Variants in EYA4 observed in about 807,000 individuals in gnomAD.
EYA4 encodes the protein protein phosphatase EYA4.
A neutral mutation model predicts 87.9 loss-of-function variants in EYA4; 31 were observed. That is an observed-to-expected ratio of 0.35 (90% CI 0.27 to 0.48). The LOEUF is 0.48. Ranked by LOEUF, EYA4 falls within the 20% of genes least tolerant of loss-of-function variation. EYA4 has a pLI of 0.99. For missense variants in EYA4, 678 were observed against 761.4 expected, an observed-to-expected ratio of 0.89 and a Z score of 1.29; for synonymous variants, 263 against 270.6, an observed-to-expected ratio of 0.97 and a Z score of 0.28.
chr6:133,382,311 T>C lies in EYA4; in HGVS notation c.34-81T>C, dbSNP rs186214146. ...TTATAGAGAACTTGGTGAACAGAGC[T>C]ATATCCGCTTTAATAGTGTGTGAAC... On this transcript the variant is annotated intron_variant, in intron 2 of 19. Coordinates refer to ENST00000355286, the MANE Select transcript of EYA4 (RefSeq NM_004100.5). The C allele has an allele frequency of 3.0e-3, 2,850 of 953,988 alleles. 14 individuals are homozygous for C. The highest frequency in any genetic ancestry group is 4.1e-3 in the Non-Finnish European group (2,393 of 577,426). The allele number at this position is 953,988 out of a possible 1,614,324, so 59.1% of individuals were successfully genotyped here.
At chr6:133,393,570 G>A (rs530994377) in intron 3 of EYA4, among the ~76,000 whole-genome samples, 1 of 152,298 alleles carries the variant, frequency 6.6e-6, no homozygotes, top group Admixed American at 6.5e-5. Context: ...TGCGTGGCAT[G>A]TTCAGGTGAC....
intron 3 of EYA4, among the ~76,000 whole-genome samples, chr6:133,415,145 T>C (rs1789599054): frequency 6.6e-6 from 1 of 152,196 alleles, no homozygotes; most frequent in African/African-American, 2.4e-5. Flanking sequence ...ACCTGCCTCC[T>C]TTCTCACTTA....
chr6:133,365,185 G>T (rs1292626471), intron 2 of EYA4, among the ~76,000 whole-genome samples: 1 of 152,124 alleles, frequency 6.6e-6, no homozygotes, highest in Non-Finnish European at 1.5e-5. Context: ...TGATCGCTTG[G>T]TTGGGTAAAC....
intron 3 of EYA4, among the ~76,000 whole-genome samples, chr6:133,445,801 C>T (rs901602323): frequency 1.3e-5 from 2 of 152,032 alleles, no homozygotes; most frequent in African/African-American, 2.4e-5. Flanking sequence ...AGGATGGTCT[C>T]GATCTCCTGA....
chr6:133,361,107 G>A (rs775942059), intron 2 of EYA4, among the ~76,000 whole-genome samples: 1 of 152,108 alleles, frequency 6.6e-6, no homozygotes, highest in Non-Finnish European at 1.5e-5. Context: ...TATCACAATG[G>A]GTGGATCTGA....
chr6:133,323,535 G>A (rs1160117019), intron 2 of EYA4, among the ~76,000 whole-genome samples: 1 of 152,064 alleles, frequency 6.6e-6, no homozygotes, highest in South Asian at 2.1e-4. Context: ...CTATATTGCT[G>A]TTTCATTTTC....
At position 133,512,895 on chromosome 6, in the gene EYA4, C is replaced by A. The variant is rs1321644184; in HGVS notation, c.1358C>A (p.Thr453Asn). The change falls in exon 16 of 20, where the codon ACT becomes AAT. Residue 453 changes from threonine to asparagine, a missense_variant. Transcript: ENST00000355286. The part of the protein sequence containing the change: ...GQDLSTYSFA[T>N]DGFHAAASSA... ...TGTTACAGTACCTACAGTTTTGCAA[C>A]TGATGGCTTCCATGCAGCTGCAAGT... 2.5e-6 allele frequency: 4 copies of A among 1,614,076 alleles called. No individual in the cohort carries two copies. Among genetic ancestry groups the A allele is most frequent in the Non-Finnish European group, 3.4e-6 (4 of 1,179,990 alleles).
intron 2 of EYA4, among the ~76,000 whole-genome samples, chr6:133,330,328 G>T: frequency 6.6e-6 from 1 of 151,986 alleles, no homozygotes; most frequent in East Asian, 1.9e-4. Flanking sequence ...AATGAATATA[G>T]TGTGTGAAAG....
At chr6:133,298,414 G>A (rs902068357) in intron 2 of EYA4, among the ~76,000 whole-genome samples, 2 of 151,958 alleles carry the variant, frequency 1.3e-5, no homozygotes, top group Non-Finnish European at 2.9e-5. Flanking sequence ...ATTGTATTTG[G>A]GCCCTTTTAG....
At chr6:133,279,310 A>G (rs1479304289) in intron 2 of EYA4, among the ~76,000 whole-genome samples, 1 of 152,170 alleles carries the variant, frequency 6.6e-6, no homozygotes, top group Non-Finnish European at 1.5e-5. Context: ...CTGAACATTC[A>G]TATGTATTTC....
intron 2 of EYA4, among the ~76,000 whole-genome samples, chr6:133,349,871 T>C (rs1583028896): frequency 6.6e-6 from 1 of 152,256 alleles, no homozygotes; most frequent in East Asian, 1.9e-4. Context: ...AAACATCTTC[T>C]AGCAAGATTC....
At chr6:133,287,135 C>T (rs1410700790) in intron 2 of EYA4, among the ~76,000 whole-genome samples, 1 of 152,076 alleles carries the variant, frequency 6.6e-6, no homozygotes, top group Non-Finnish European at 1.5e-5. Context: ...AGAAAGTTTA[C>T]CTGAACATTT....
chr6:133,297,602 C>T (rs1024158066), intron 2 of EYA4, among the ~76,000 whole-genome samples: 3 of 152,222 alleles, frequency 2.0e-5, no homozygotes, highest in Admixed American at 6.5e-5. Flanking sequence ...AGTTTGAGTT[C>T]AGGGCAAACA....
chr6:133,478,813 C>T (rs1049693901), intron 11 of EYA4, among the ~76,000 whole-genome samples: 1 of 152,168 alleles, frequency 6.6e-6, no homozygotes, highest in Non-Finnish European at 1.5e-5. Flanking sequence ...TCCTCTTCTG[C>T]TCTTTTCACC....
intron 3 of EYA4, among the ~76,000 whole-genome samples, chr6:133,388,560 T>G (rs982337093): frequency 1.3e-5 from 2 of 152,204 alleles, no homozygotes; most frequent in South Asian, 2.1e-4. Flanking sequence ...GTACACTTTT[T>G]GATTTCTTTC....
intron 3 of EYA4, among the ~76,000 whole-genome samples, chr6:133,407,743 A>AAT (rs1788847133): frequency 1.3e-5 from 2 of 152,046 alleles, no homozygotes; most frequent in Middle Eastern, 3.4e-3. Flanking sequence ...TCAGGAAAAA[A>AAT]AAATAAAAGA....
intron 13 of EYA4, among the ~76,000 whole-genome samples, chr6:133,486,469 C>G (rs1432642476): frequency 6.6e-6 from 1 of 151,334 alleles, no homozygotes; most frequent in Non-Finnish European, 1.5e-5. Flanking sequence ...CTCAGACAGA[C>G]TGCATTCATT....
chr6:133,290,580 G>A (rs763267300), intron 2 of EYA4, among the ~76,000 whole-genome samples: 4 of 152,256 alleles, frequency 2.6e-5, no homozygotes, highest in Non-Finnish European at 5.9e-5. Context: ...TTTTTAGGGA[G>A]ATTCTAAATA....
chr6:133,346,485 A>T (rs1286592619), intron 2 of EYA4, among the ~76,000 whole-genome samples: 2 of 152,218 alleles, frequency 1.3e-5, no homozygotes, highest in Admixed American at 1.3e-4. Context: ...AAAGTTTATT[A>T]TCTTTAAAAA....
Sources: gnomAD v4.1 joint callset for allele counts (sites outside exome capture counted in the v4.1 genomes callset) on GRCh38, gnomAD v4.1.1 for gene constraint, MANE v1.5 for transcripts, NCBI Gene and HGNC (gene_info 2026-07-23, HGNC 2026-07-21) for gene names.